Variants in CTIF observed in about 807,000 individuals in gnomAD.
CTIF encodes cap binding complex dependent translation initiation factor.
Under a neutral mutation model 66.0 loss-of-function variants are expected in CTIF, and 21 were observed. The observed-to-expected ratio is 0.32, with a 90% CI of 0.23 to 0.46. The LOEUF (loss-of-function observed/expected upper bound fraction) is 0.46, where lower values mean the gene tolerates loss of function less well. CTIF is among the 20% of genes least tolerant of loss of function. The pLI, the probability that CTIF is intolerant of heterozygous loss-of-function variation, is 1.00. For missense variants in CTIF, 739 were observed against 812.7 expected (o/e 0.91, Z 1.10); for synonymous variants, 345 against 326.4 (o/e 1.06, Z -0.62).
Position 48,607,142 on chromosome 18 carries a change from G to C in CTIF, c.-28-12396G>C, listed in dbSNP as rs940027830. 4.6e-5 allele frequency among the ~76,000 whole-genome samples: 7 copies of C among 152,260 alleles called. No individual in the cohort carries two copies. In the East Asian group the frequency reaches 5.8e-4, roughly 13 times the overall value. On this transcript the variant is annotated intron_variant, in intron 1 of 11. Transcript: ENST00000256413. ...CTTTGAGCAGGAGTTTCCCTCCCTC[G>C]GGTCCTCCAAGCAAAGGCAGAGGCA...
At chr18:48,616,731 G>T (rs1401047512) in intron 1 of CTIF, among the ~76,000 whole-genome samples, 2 of 152,194 alleles carry the variant, frequency 1.3e-5, no homozygotes, top group African/African-American at 4.8e-5. Context: ...AGCAGAAATT[G>T]CAGCATTCAT....
intron 9 of CTIF, among the ~76,000 whole-genome samples, chr18:48,778,168 G>A (rs1471559168): frequency 6.6e-6 from 1 of 152,024 alleles, no homozygotes; most frequent in Non-Finnish European, 1.5e-5. Context: ...TAGAAAAAAT[G>A]TCTGTGCACA....
intron 2 of CTIF, among the ~76,000 whole-genome samples, chr18:48,635,567 T>G (rs765647429): frequency 6.6e-6 from 1 of 152,054 alleles, no homozygotes; most frequent in Non-Finnish European, 1.5e-5. Context: ...GTTCAAGTGA[T>G]CTCCTGTCTT....
chr18:48,839,675 G>T (rs1018885684), intron 10 of CTIF, among the ~76,000 whole-genome samples: 1 of 152,176 alleles, frequency 6.6e-6, no homozygotes, highest in African/African-American at 2.4e-5. Context: ...AGTTCCAAAT[G>T]CTGATCTGCT....
intron 3 of CTIF, among the ~76,000 whole-genome samples, chr18:48,648,923 C>T (rs2091103429): frequency 6.6e-6 from 1 of 152,182 alleles, no homozygotes; most frequent in South Asian, 2.1e-4. Context: ...AGTTCAAGAC[C>T]AGCCTGGCCA....
chr18:48,593,817 C>T (rs2089939423), intron 1 of CTIF, among the ~76,000 whole-genome samples: 1 of 151,462 alleles, frequency 6.6e-6, no homozygotes, highest in African/African-American at 2.4e-5. Context: ...AGGTGGCTGG[C>T]TGAGGTGAGC....
chr18:48,604,990 G>A (rs571176541), intron 1 of CTIF, among the ~76,000 whole-genome samples: 1 of 152,236 alleles, frequency 6.6e-6, no homozygotes, highest in Non-Finnish European at 1.5e-5. Context: ...ATATTCCATT[G>A]CATGCATAGT....
chr18:48,646,762 T>G lies in CTIF; in HGVS notation c.252+10077T>G, dbSNP rs571084812. Among the ~76,000 whole-genome samples, 201 of 143,380 alleles carry G rather than the reference T, an allele frequency of 1.4e-3. 3 individuals are homozygous for G. The highest frequency in any genetic ancestry group is 5.4e-3 in the South Asian group (24 of 4,452). 94.1% of individuals were successfully genotyped at this position (143,380 alleles called of 152,430 possible). A position where few individuals can be genotyped will look rare whatever the true frequency, so the allele number is the denominator to read the frequency against. The stretch of plus-strand genomic sequence containing the variant: ...CCTGTCTCAAAAAAAAAAAAGAAAA[T>G]AAAATAAAAACAAAAAGGAAAGAAA... On this transcript the variant is annotated intron_variant, in intron 3 of 11. Transcript: ENST00000256413.
intron 6 of CTIF, among the ~76,000 whole-genome samples, chr18:48,675,156 GCA>G (rs386803028): frequency 1.4e-4 from 21 of 151,822 alleles, no homozygotes; most frequent in Admixed American, 3.3e-4. Flanking sequence ...CATAGGGCAG[GCA>G]GACACTGAGA....
intron 6 of CTIF, among the ~76,000 whole-genome samples, chr18:48,691,492 G>A (rs1489887599): frequency 6.6e-6 from 1 of 152,036 alleles, no homozygotes; most frequent in Non-Finnish European, 1.5e-5. Context: ...ACACAGCCCA[G>A]TGTTCCAGAT....
intron 6 of CTIF, among the ~76,000 whole-genome samples, chr18:48,683,614 T>C (rs550406495): frequency 1.5e-4 from 23 of 152,166 alleles, no homozygotes; most frequent in African/African-American, 5.5e-4. Flanking sequence ...TTTGTTCCTT[T>C]TGGCACCCCA....
rs76772376 is a variant in CTIF, at chr18:48,611,408, G to A, written c.-28-8130G>A. ...GAGCTCCGCCCTGGGCCCTGCGTGG[G>A]CCATAAGAGGAGCCGCCCCTTCACC... is the stretch of plus-strand genomic sequence containing the variant. On this transcript the variant is annotated intron_variant, in intron 1 of 11. Transcript: ENST00000256413. Among the ~76,000 whole-genome samples, 545 of 152,358 alleles carry A rather than the reference G, an allele frequency of 3.6e-3. 14 individuals carry two copies. The East Asian group carries it at 0.063, about 17-fold the overall frequency.
At chr18:48,619,158 C>T (rs2090448697) in intron 1 of CTIF, among the ~76,000 whole-genome samples, 3 of 152,328 alleles carry the variant, frequency 2.0e-5, no homozygotes, top group South Asian at 4.1e-4. Context: ...TTATTTCATC[C>T]TGCTTTGTGG....
At position 48,700,625 on chromosome 18, in the gene CTIF, G is replaced by A. The variant is rs544185525; in HGVS notation, c.508-10994G>A. Among the ~76,000 whole-genome samples the A allele has an allele frequency of 8.5e-5, 13 of 152,338 alleles. No individual in the cohort carries two copies. In the South Asian group the frequency reaches 2.5e-3, roughly 29 times the overall value. On this transcript the variant is annotated intron_variant, in intron 6 of 11. Transcript: ENST00000256413. ...TTTGTATAATGAGCTGCAGCAGAGT[G>A]TGCTCAGAAGAAGCAGAGCAGAGCC...
At chr18:48,723,777 T>C (rs904154973) in intron 7 of CTIF, among the ~76,000 whole-genome samples, 2 of 152,226 alleles carry the variant, frequency 1.3e-5, no homozygotes, top group Non-Finnish European at 2.9e-5. Flanking sequence ...TACCCTGAAC[T>C]CCAAGAGTTA....
intron 9 of CTIF, among the ~76,000 whole-genome samples, chr18:48,766,353 A>T (rs984639702): frequency 2.6e-5 from 4 of 152,118 alleles, no homozygotes; most frequent in African/African-American, 9.7e-5. Context: ...GATGGTTTGT[A>T]GGTGGTGGCT....
intron 9 of CTIF, among the ~76,000 whole-genome samples, chr18:48,762,914 C>G (rs1232212725): frequency 6.6e-6 from 1 of 152,204 alleles, no homozygotes; most frequent in Non-Finnish European, 1.5e-5. Context: ...ATGTGAGTTG[C>G]ACTCACTGCA....
At chr18:48,717,389 A>C (rs1341837193) in intron 7 of CTIF, among the ~76,000 whole-genome samples, 1 of 150,552 alleles carries the variant, frequency 6.6e-6, no homozygotes, top group Non-Finnish European at 1.5e-5. Flanking sequence ...CAAGAGCGAA[A>C]ATCTGTCTTT....
intron 7 of CTIF, among the ~76,000 whole-genome samples, chr18:48,753,585 G>A (rs1022658871): frequency 6.7e-6 from 1 of 150,232 alleles, no homozygotes; most frequent in African/African-American, 2.5e-5. Flanking sequence ...AGCATAAACC[G>A]ACAATTTCCA....
Sources: gnomAD v4.1 joint callset for allele counts (sites outside exome capture counted in the v4.1 genomes callset) on GRCh38, gnomAD v4.1.1 for gene constraint, MANE v1.5 for transcripts, NCBI Gene and HGNC (gene_info 2026-07-23, HGNC 2026-07-21) for gene names.